The following SLC25A1 variants were observed in gnomAD, a reference collection of about 807,000 sequenced individuals.
The protein encoded by SLC25A1 is tricarboxylate transport protein, mitochondrial.
SLC25A1 carries 26 observed loss-of-function variants against 38.1 expected under a neutral mutation model. The observed-to-expected ratio is 0.68, with a 90% confidence interval of 0.50 to 0.95. The LOEUF (loss-of-function observed/expected upper bound fraction) is 0.95, where lower values mean the gene tolerates loss of function less well. Ranked by LOEUF, SLC25A1 falls within the 40% of genes least tolerant of loss-of-function variation. The pLI, the probability that SLC25A1 is intolerant of heterozygous loss-of-function variation, is 0.00. For synonymous variants in SLC25A1, 211 were observed against 183.2 expected, an observed-to-expected ratio of 1.15 and a Z score of -1.23; for missense variants, 378 against 426.6, an observed-to-expected ratio of 0.89 and a Z score of 1.00.
rs1555923558 is a variant in SLC25A1 at position 19,178,573 on chromosome 22, G to T, written c.94+7C>A. On this transcript the variant is annotated splice_region_variant and intron_variant, in intron 1 of 8. Transcript: ENST00000215882. This position sits in a 1 kb window ranked among gnomAD's most constrained non-coding sequence, Gnocchi z 4.9. ...GGGAGAGGGGTCCGCGTCCCGGAGG[G>T]GCCCACCTGCCAGGATCGCCTTCCC... The T allele has an allele frequency of 5.7e-6, 7 of 1,232,822 alleles. No homozygotes were observed. The highest frequency in any genetic ancestry group is 6.1e-6 in the Non-Finnish European group (6 of 987,894). 76.4% of individuals were successfully genotyped at this position (1,232,822 alleles called of 1,614,324 possible).
Position 19,178,518 on chromosome 22 carries a change from C to T in SLC25A1, c.94+62G>A. ...CCAACCCGGAAGTGGGGCGGGGCCT[C>T]AGCGTCCCGGGCCCACCCAGAAGCG... On this transcript the variant is annotated intron_variant, in intron 1 of 8. Transcript: ENST00000215882. This position sits in a 1 kb window ranked among gnomAD's most constrained non-coding sequence, Gnocchi z 4.9. 7.6e-7 allele frequency: 1 copy of T among 1,309,478 alleles called. No homozygotes were observed. The highest frequency in any genetic ancestry group is 9.7e-7 in the Non-Finnish European group (1 of 1,033,026). 81.1% of individuals were successfully genotyped at this position (1,309,478 alleles called of 1,614,324 possible). A position where few individuals can be genotyped will look rare whatever the true frequency, so the allele number is the denominator to read the frequency against.
chr22:19,176,946 C>T lies in SLC25A1; in HGVS notation c.531G>A (p.Leu177=). The T allele has an allele frequency of 1.9e-6, 3 of 1,613,572 alleles. No homozygotes were observed. The highest frequency in any genetic ancestry group is 2.5e-6 in the Non-Finnish European group (3 of 1,180,002). The change falls in exon 6 of 9, where the codon CTG becomes CTA. Residue 177 remains leucine, a synonymous_variant. Transcript: ENST00000215882. ...GVREIVREQG[L]KGTYQGLTAT... Reference sequence around the variant, plus strand: ...CTGTGAGGCCCTGGTACGTCCCCTTCAGCCCTGCGGGAAGGCAGGCACGGG... The same window carrying T: ...CTGTGAGGCCCTGGTACGTCCCCTTTAGCCCTGCGGGAAGGCAGGCACGGG...
At chr22:19,176,353 G>C (rs2083959286) in intron 8 of SLC25A1, 68 bp downstream of exon 8, 1 of 1,572,770 alleles carries the variant, frequency 6.4e-7, no homozygotes, top group Non-Finnish European at 8.7e-7. Flanking sequence ...AGGGGACAGA[G>C]TGGGCAGGCC....
chr22:19,178,207 G>C lies in SLC25A1; in HGVS notation c.128C>G (p.Thr43Ser). 6.4e-7 allele frequency: 1 copy of C among 1,553,118 alleles called. No individual in the cohort carries two copies. Among genetic ancestry groups the C allele is most frequent in the Non-Finnish European group, 8.7e-7 (1 of 1,149,256 alleles). The change falls in exon 2 of 9, where the codon ACC becomes AGC. Residue 43 changes from threonine to serine, a missense_variant. By Grantham distance (58) the Thr-to-Ser change is moderately conservative (BLOSUM62 1). Coordinates refer to ENST00000215882, the MANE Select transcript of SLC25A1 (RefSeq NM_005984.5). The surrounding 1 kb of genome is among the most constrained non-coding windows in gnomAD (Gnocchi z 4.9). ...GLAGGIEICI[T>S]FPTEYVKTQL... ...CGTCTTCACGTACTCGGTGGGGAAG[G>C]TGATGCAGATCTCGATGCCACCCGC...
Position 19,177,595 on chromosome 22 carries a change from AC to A in SLC25A1, c.441+131del, listed in dbSNP as rs2083981972. ...CGTCCTGCCCCAGGGCCCCGCGGTC[AC>A]CCCGCCGGCCTTCCCTGGCGTCCAG... On this transcript the variant is annotated intron_variant, in intron 4 of 8. Transcript: ENST00000215882. 6 of 1,280,650 alleles carry A rather than the reference AC, an allele frequency of 4.7e-6. No homozygotes were observed. In the South Asian group the frequency reaches 7.1e-5, roughly 15 times the overall value. 79.3% of individuals were successfully genotyped at this position (1,280,650 alleles called of 1,614,324 possible).
chr22:19,177,565 G>A (rs1171106036), intron 4 of SLC25A1, among the ~76,000 whole-genome samples, 162 bp downstream of exon 4: 3 of 152,242 alleles, frequency 2.0e-5, no homozygotes, highest in African/African-American at 7.2e-5. Flanking sequence ...GCCCTTCGTG[G>A]CAGGCGTCCT....
In SLC25A1 at chr22:19,177,874, G is replaced by A; in HGVS notation, c.303-9C>T. ...ACTCGAACATTCCAAACCTGGAGGC[G>A]GGAGGCGGGTGAGAGGGGCTGCCGC... On this transcript the variant is annotated splice_polypyrimidine_tract_variant and intron_variant, in intron 3 of 8. Coordinates refer to ENST00000215882, the MANE Select transcript of SLC25A1 (RefSeq NM_005984.5). 1.9e-6 allele frequency: 3 copies of A among 1,598,246 alleles called. No individual in the cohort carries two copies. The highest frequency in any genetic ancestry group is 2.2e-5 in the South Asian group (2 of 89,590).
At position 19,177,749 on chromosome 22, in the gene SLC25A1, A is replaced by C; in HGVS notation, c.419T>G (p.Val140Gly). 6.2e-7 allele frequency: 1 copy of C among 1,608,736 alleles called. No homozygotes were observed. Among genetic ancestry groups the C allele is most frequent in the African/African-American group, 1.3e-5 (1 of 74,962 alleles). ...CACCTTGATGGTCTCCATGGGGCAC[A>C]CGACCACCACGGCCTCGGCCACGCC... ...GAGVAEAVVV[V>G]CPMETIKVKF... The change falls in exon 4 of 9, where the codon GTG becomes GGG. Residue 140 changes from valine to glycine, a missense_variant. Transcript: ENST00000215882.
Position 19,175,652 on chromosome 22 carries a change from C to T in SLC25A1, c.*478G>A, listed in dbSNP as rs1003990747. The T allele has an allele frequency of 1.9e-5, 4 of 214,600 alleles. No homozygotes were observed. The highest frequency in any genetic ancestry group is 1.3e-4 in the East Asian group (1 of 7,786). 13.3% of individuals were successfully genotyped at this position (214,600 alleles called of 1,614,324 possible). A position where few individuals can be genotyped will look rare whatever the true frequency, so the allele number is the denominator to read the frequency against. ...GTGGTGGGTGCCACCCTGTCCGGGGCGGAGAGAGGGCCCGAGGGCCAGTTA... is the reference window on the plus strand; with the variant it reads ...GTGGTGGGTGCCACCCTGTCCGGGGTGGAGAGAGGGCCCGAGGGCCAGTTA... On this transcript the variant is annotated 3_prime_UTR_variant, in exon 9 of 9. Transcript: ENST00000215882.
intron 8 of SLC25A1, 80 bp downstream of exon 8, chr22:19,176,341 G>C (rs1254202721): frequency 1.3e-6 from 2 of 1,565,110 alleles, no homozygotes; most frequent in Non-Finnish European, 1.8e-6. Context: ...ACAGAGGCCT[G>C]AAGGGGACAG....
Position 19,178,324 on chromosome 22 carries a change from C to CGCG in SLC25A1, c.95-87_95-85dup, listed in dbSNP as rs1555923411. On this transcript the variant is annotated intron_variant, in intron 1 of 8. Transcript: ENST00000215882. The surrounding 1 kb of genome is among the most constrained non-coding windows in gnomAD (Gnocchi z 4.9). ...CTCCCCCGTCCCGGACTTCGGTCGG[C>CGCG]GCGGCCGCCGCGCCAGTGCCGCGGG... 2 of 1,519,720 alleles carry CGCG rather than the reference C, an allele frequency of 1.3e-6. No individual in the cohort carries two copies. The highest frequency in any genetic ancestry group is 2.9e-5 in the African/African-American group (2 of 69,844). The allele number at this position is 1,519,720 out of a possible 1,614,324, so 94.1% of individuals were successfully genotyped here. A position where few individuals can be genotyped will look rare whatever the true frequency, so the allele number is the denominator to read the frequency against.
intron 4 of SLC25A1, among the ~76,000 whole-genome samples, chr22:19,177,485 T>G (rs1555922735): frequency 6.6e-6 from 1 of 152,206 alleles, no homozygotes; most frequent in Non-Finnish European, 1.5e-5. Context: ...TCATTTTGTT[T>G]TCTGCTTTAT....
Position 19,178,550 on chromosome 22 carries a change from G to A in SLC25A1, c.94+30C>T. On this transcript the variant is annotated intron_variant, in intron 1 of 8. Transcript: ENST00000215882. This position sits in a 1 kb window ranked among gnomAD's most constrained non-coding sequence, Gnocchi z 4.9. ...CCGGGCCCACCCAGAAGCGCGGCGG[G>A]AGAGGGGTCCGCGTCCCGGAGGGGC... is the stretch of plus-strand genomic sequence containing the variant. The A allele has an allele frequency of 1.6e-6, 2 of 1,253,120 alleles. No homozygotes were observed. The highest frequency in any genetic ancestry group is 2.6e-4 in the Middle Eastern group (1 of 3,810). The allele number at this position is 1,253,120 out of a possible 1,614,324, so 77.6% of individuals were successfully genotyped here. A position where few individuals can be genotyped will look rare whatever the true frequency, so the allele number is the denominator to read the frequency against.
At position 19,176,478 on chromosome 22, in the gene SLC25A1, T is replaced by C. The variant is rs113123350; in HGVS notation, c.764A>G (p.Lys255Arg). 426 of 1,613,872 alleles carry C rather than the reference T, an allele frequency of 2.6e-4. 2 individuals are homozygous for C. In the East Asian group the frequency reaches 3.4e-3, roughly 13 times the overall value. The change falls in exon 8 of 9, where the codon AAA (lysine) becomes AGA (arginine). Residue 255 changes from lysine (K) to arginine (R), a missense_variant. Physicochemically the swap from Lys to Arg is conservative, Grantham distance 26. Transcript: ENST00000215882. ...GCCGCAGTCCCACGTGTTCCGGTAT[T>C]TGTGCGCCTCCAGGCCCTATGGGGG... ...KTRMQGLEAH[K>R]YRNTWDCGLQ...
intron 4 of SLC25A1, among the ~76,000 whole-genome samples, chr22:19,177,431 C>A (rs2083977673): frequency 6.6e-6 from 1 of 152,208 alleles, no homozygotes; most frequent in Non-Finnish European, 1.5e-5. Context: ...AGCAGCCTCT[C>A]CCTTTATGTT....
At position 19,176,892 on chromosome 22, in the gene SLC25A1, C is replaced by T. The variant is rs1398003720; in HGVS notation, c.585G>A (p.Gln195=). ...AGGTCATGACGAAGAAGCGGATGGC[C>T]TGGTTCGAGCCCTGCTTCAGGACAG... ...TATVLKQGSN[Q]AIRFFVMTSL... Residue 195 remains glutamine (Q), a synonymous_variant, in exon 6 of 9, where the codon CAG becomes CAA. Coordinates refer to ENST00000215882, the MANE Select transcript of SLC25A1 (RefSeq NM_005984.5). 8.7e-6 allele frequency: 14 copies of T among 1,613,864 alleles called. No individual in the cohort carries two copies. The East Asian group carries it at 2.0e-4, about 23-fold the overall frequency.
Position 19,176,508 on chromosome 22 carries a change from C to T in SLC25A1, c.748-14G>A, listed in dbSNP as rs2083962442. On this transcript the variant is annotated splice_polypyrimidine_tract_variant and intron_variant, in intron 7 of 8. Transcript: ENST00000215882. ...CGCCTCCAGGCCCTATGGGGGACAT[C>T]AGCAGGCAGGGGCTCAGCAGCTAGC... is the stretch of plus-strand genomic sequence containing the variant. 6.2e-7 allele frequency: 1 copy of T among 1,613,704 alleles called. No individual in the cohort carries two copies. Among genetic ancestry groups the T allele is most frequent in the Non-Finnish European group, 8.5e-7 (1 of 1,179,904 alleles).
At position 19,177,143 on chromosome 22, in the gene SLC25A1, AC is replaced by A; in HGVS notation, c.502del (p.Val168LeufsTer10). The stretch of plus-strand genomic sequence containing the variant: ...ACCTTGTTCCCGCACAATCTCCCTA[AC>A]CCCGTGGAAGAATCCTCTGTACTTG... ...NPKYRGFFHG[V>X]REIVREQGLK... On this transcript the variant is annotated frameshift_variant, in exon 5 of 9. Coordinates refer to ENST00000215882, the MANE Select transcript of SLC25A1 (RefSeq NM_005984.5). LOFTEE classifies it high-confidence loss of function. 1 of 1,613,794 alleles carries A rather than the reference AC, an allele frequency of 6.2e-7. No homozygotes were observed. The highest frequency in any genetic ancestry group is 8.5e-7 in the Non-Finnish European group (1 of 1,179,896).
Position 19,176,690 on chromosome 22 carries a change from TC to T in SLC25A1, c.634del (p.Asp212ThrfsTer7). 1.2e-6 allele frequency: 2 copies of T among 1,613,400 alleles called. No individual in the cohort carries two copies. Among genetic ancestry groups the T allele is most frequent in the Non-Finnish European group, 1.7e-6 (2 of 1,179,544 alleles). ...MTSLRNWYRG[D>X]NPNKPMNPLI... is the part of the protein sequence containing the mutation. ...AGGGTTCATGGGCTTGTTGGGGTTG[TC>T]CCCTGGATATAGGAGGGGTGAGGTG... On this transcript the variant is annotated frameshift_variant and splice_region_variant, in exon 7 of 9. Transcript: ENST00000215882. LOFTEE classifies it high-confidence loss of function.
Sources: gnomAD v4.1 joint callset for allele counts (sites outside exome capture counted in the v4.1 genomes callset) on GRCh38, gnomAD v4.1.1 for gene constraint, Gnocchi (gnomAD v3.1) non-coding constraint, MANE v1.5 for transcripts, NCBI Gene and HGNC (gene_info 2026-07-23, HGNC 2026-07-21) for gene names.